The following STRIP1 variants were observed in gnomAD, a reference collection of about 807,000 sequenced individuals.
STRIP1 encodes striatin interacting protein 1, also known as striatin-interacting protein 1.
In STRIP1, 63 loss-of-function variants were observed where a neutral mutation model predicts 106.2. That is an observed-to-expected ratio of 0.59 (90% CI 0.48 to 0.73). The LOEUF is 0.73. Ranked by LOEUF, STRIP1 falls within the 30% of genes least tolerant of loss-of-function variation. The pLI is 0.00. For missense variants in STRIP1, 857 were observed against 1,074.8 expected (o/e 0.80, Z 2.83); for synonymous variants, 390 against 413.0 (o/e 0.94, Z 0.67).
intron 7 of STRIP1, 31 bp from the exon 8 acceptor site, chr1:110,041,703 G>C: frequency 6.2e-7 from 1 of 1,614,168 alleles, no homozygotes; most frequent in African/African-American, 1.3e-5. Flanking sequence ...AAGGCTTTGG[G>C]AGGGTCCTGA....
intron 6 of STRIP1, 57 bp downstream of exon 6, chr1:110,040,760 A>C: frequency 6.9e-7 from 1 of 1,458,604 alleles, no homozygotes; most frequent in Non-Finnish European, 9.3e-7. Context: ...AGATCAGAGC[A>C]GGGTGTGGGA....
At chr1:110,049,046 T>C (rs1252360272) in intron 15 of STRIP1, 66 bp from the exon 16 acceptor site, 1 of 1,602,682 alleles carries the variant, frequency 6.2e-7, no homozygotes, top group East Asian at 2.2e-5. Flanking sequence ...GTCCATCTTT[T>C]CTGTGGGCAC....
rs960400662 is a variant in STRIP1 at position 110,049,554 on chromosome 1, A to G, written c.1883A>G (p.Lys628Arg). Residue 628 changes from lysine to arginine, a missense_variant, in exon 17 of 21, where the codon AAG becomes AGG. By Grantham distance (26) the Lys-to-Arg change is conservative (BLOSUM62 2). Coordinates refer to ENST00000369795, the MANE Select transcript of STRIP1 (RefSeq NM_033088.4). ...NQNIMSYITA[K>R]NSISVLDYPH... ...AACATCATGTCCTACATCACTGCCA[A>G]GAACAGGTGATGAGGGCCAGGGACC... 1 of 1,609,660 alleles carries G rather than the reference A, an allele frequency of 6.2e-7. No homozygotes were observed. Among genetic ancestry groups the G allele is most frequent in the East Asian group, 2.2e-5 (1 of 44,860 alleles).
intron 1 of STRIP1, among the ~76,000 whole-genome samples, chr1:110,035,074 C>G (rs1226668500): frequency 6.6e-6 from 1 of 152,228 alleles, no homozygotes; most frequent in African/African-American, 2.4e-5. Flanking sequence ...CCCTGGGCCC[C>G]GACTGTGGGC....
At chr1:110,044,731 TCTC>T (rs1403019324) in intron 10 of STRIP1, 106 bp from the exon 11 acceptor site, 3 of 1,020,878 alleles carry the variant, frequency 2.9e-6, no homozygotes, top group African/African-American at 1.6e-5. Flanking sequence ...ATAGGAGACT[TCTC>T]CTGGCTTCAC....
Position 110,043,145 on chromosome 1 carries a change from C to G in STRIP1, c.943C>G (p.Leu315Val). 6.2e-7 allele frequency: 1 copy of G among 1,614,064 alleles called. No homozygotes were observed. Among genetic ancestry groups the G allele is most frequent in the Non-Finnish European group, 8.5e-7 (1 of 1,180,024 alleles). Residue 315 changes from leucine to valine, a missense_variant, in exon 9 of 21, where the codon CTG (leucine) becomes GTG (valine). Around this residue, in one of 2 missense-constraint regions of STRIP1, gnomAD observed 750 missense variants for 989.8 expected, o/e 0.76. Coordinates refer to ENST00000369795, the MANE Select transcript of STRIP1 (RefSeq NM_033088.4). The part of the protein sequence containing the change: ...QSMKAEKRSI[L>V]GLPPLPEDSI... ...CATGAAGGCTGAGAAGCGCAGCATC[C>G]TGGGCCTCCCCCCGCTTCCTGAGGA...
At chr1:110,038,907 TGGGCTTGTGGCACATCGGTGG>T (rs1652623267) in intron 3 of STRIP1, 150 bp downstream of exon 3, 1 of 759,178 alleles carries the variant, frequency 1.3e-6, no homozygotes, top group East Asian at 2.6e-5. Flanking sequence ...ACATGTAGAG[TGGGCTTGTGGCACATCGGTGG>T]GGGCTTTTCA....
At chr1:110,034,962 C>A (rs1159049063) in intron 1 of STRIP1, 145 bp downstream of exon 1, 9 of 824,066 alleles carry the variant, frequency 1.1e-5, no homozygotes, top group Non-Finnish European at 1.4e-5. Context: ...GCGAAAGGAG[C>A]AGGAAGCGAG....
intron 16 of STRIP1, 24 bp downstream of exon 16, chr1:110,049,262 G>A (rs1356069584): frequency 6.2e-7 from 1 of 1,613,876 alleles, no homozygotes; most frequent in East Asian, 2.2e-5. Context: ...TTTCCCTCCT[G>A]TCCTGTGGGC....
chr1:110,047,453 T>G (rs1182394681), intron 13 of STRIP1, 89 bp from the exon 14 acceptor site: 7 of 971,908 alleles, frequency 7.2e-6, no homozygotes, highest in Non-Finnish European at 1.1e-5. Flanking sequence ...CATCACTGTT[T>G]ACAGGTTTTC....
intron 2 of STRIP1, 109 bp downstream of exon 2, chr1:110,038,069 CAAATATATATAT>C: frequency 5.5e-6 from 1 of 183,074 alleles, no homozygotes; most frequent in Non-Finnish European, 9.7e-6. Flanking sequence ...CTAGTTCTAT[CAAATATATATAT>C]ATATATATAT....
intron 10 of STRIP1, 43 bp downstream of exon 10, chr1:110,043,899 A>G (rs199640956): frequency 1.3e-6 from 2 of 1,566,756 alleles, no homozygotes; most frequent in East Asian, 2.2e-5. Context: ...CCTGAGGCAG[A>G]GCCCTCACAC....
intron 6 of STRIP1, 74 bp downstream of exon 6, chr1:110,040,777 C>A: frequency 7.8e-7 from 1 of 1,281,010 alleles, no homozygotes; most frequent in Non-Finnish European, 1.1e-6. Context: ...GGGAGGCTGT[C>A]TGTGGGTGTC....
chr1:110,043,185 T>C lies in STRIP1; in HGVS notation c.983T>C (p.Ile328Thr), dbSNP rs1442749974. 1 of 1,614,012 alleles carries C rather than the reference T, an allele frequency of 6.2e-7. No individual in the cohort carries two copies. Among genetic ancestry groups the C allele is most frequent in the Non-Finnish European group, 8.5e-7 (1 of 1,180,030 alleles). The change falls in exon 9 of 21, where the codon ATT becomes ACT. Residue 328 changes from isoleucine (I) to threonine (T), a missense_variant. Coordinates refer to ENST00000369795, the MANE Select transcript of STRIP1 (RefSeq NM_033088.4). ...PPLPEDSIKV[I>T]RNMRAASPPA... is the part of the protein sequence containing the mutation. ...CTTCCTGAGGACAGCATCAAAGTGA[T>C]TCGCAACATGAGAGCAGCCTCTCCA... is the stretch of plus-strand genomic sequence containing the variant.
intron 1 of STRIP1, among the ~76,000 whole-genome samples, chr1:110,035,702 G>C (rs543847985): frequency 6.6e-6 from 1 of 152,236 alleles, no homozygotes; most frequent in African/African-American, 2.4e-5. Context: ...CTCCTAGATT[G>C]ATCAGCAGCC....
rs780117048 is a variant in STRIP1, at chr1:110,040,711, G to A, written c.650+8G>A. The A allele has an allele frequency of 2.4e-5, 39 of 1,607,502 alleles. No individual in the cohort carries two copies. The highest frequency in any genetic ancestry group is 1.3e-4 in the African/African-American group (10 of 74,776). ...TGACAGCACAGACCTCAGGTGAGGC[G>A]AGCAGCAAGCCTGGGCTCCTGAGCG... On this transcript the variant is annotated splice_region_variant and intron_variant, in intron 6 of 20. Transcript: ENST00000369795.
At position 110,034,779 on chromosome 1, in the gene STRIP1, G is replaced by A; in HGVS notation, c.142G>A (p.Ala48Thr). 1 of 1,430,954 alleles carries A rather than the reference G, an allele frequency of 7.0e-7. No homozygotes were observed. Among genetic ancestry groups the A allele is most frequent in the Non-Finnish European group, 9.1e-7 (1 of 1,098,526 alleles). The allele number at this position is 1,430,954 out of a possible 1,614,324, so 88.6% of individuals were successfully genotyped here. ...CGCGGGCCTCCTGCCTGGGGGCAAA[G>A]CCCGCGAGTTCAACCGCAACCAGCG... is the stretch of plus-strand genomic sequence containing the variant. The part of the protein sequence containing the change: ...AAAGLLPGGK[A>T]REFNRNQRKD... Residue 48 changes from alanine (A) to threonine (T), a missense_variant, in exon 1 of 21, where the codon GCC becomes ACC. By Grantham distance (58) the Ala-to-Thr change is moderately conservative (BLOSUM62 0). This residue lies in a region of STRIP1 where 107 missense variants were observed against 85.1 expected (regional missense o/e 1.26). Transcript: ENST00000369795.
At chr1:110,052,661 G>C (rs890556250) in intron 20 of STRIP1, among the ~76,000 whole-genome samples, 1 of 151,984 alleles carries the variant, frequency 6.6e-6, no homozygotes, top group African/African-American at 2.4e-5. Flanking sequence ...GTAGAGATGG[G>C]GTTTCACTGT....
Position 110,039,504 on chromosome 1 carries a change from C to G in STRIP1, c.570C>G (p.Asn190Lys). The G allele has an allele frequency of 6.2e-7, 1 of 1,603,096 alleles. No homozygotes were observed. The highest frequency in any genetic ancestry group is 8.5e-7 in the Non-Finnish European group (1 of 1,174,846). The stretch of plus-strand genomic sequence containing the variant: ...TCAATGCTTTGGTGGAGCTTCTGAA[C>G]ATGGAAATAGAGTGAGCATTTTTGA... ...GTFNALVELL[N>K]MEIDNSAACS... is the part of the protein sequence containing the mutation. Residue 190 changes from asparagine (N) to lysine (K), a missense_variant, in exon 5 of 21, where the codon AAC (asparagine) becomes AAG (lysine). Transcript: ENST00000369795.
Sources: gnomAD v4.1 joint callset for allele counts (sites outside exome capture counted in the v4.1 genomes callset) on GRCh38, gnomAD v4.1.1 for gene constraint, gnomAD v4.1.1 regional missense constraint, MANE v1.5 for transcripts, NCBI Gene and HGNC (gene_info 2026-07-23, HGNC 2026-07-21) for gene names.